Variants in FKBP8 observed in about 807,000 individuals in gnomAD.
FKBP8 encodes the protein peptidyl-prolyl cis-trans isomerase FKBP8.
In FKBP8, 5 loss-of-function variants were observed where a neutral mutation model predicts 41.7. That is an observed-to-expected ratio of 0.12 (90% CI 0.06 to 0.25). The LOEUF is 0.25. Among genes scored for constraint, FKBP8 ranks in the 10% least tolerant of loss-of-function variants. The probability of loss-of-function intolerance (pLI) is 1.00; values close to 1 mark genes in which losing one functional copy is unlikely to be tolerated. For synonymous variants in FKBP8, 279 were observed against 254.5 expected (o/e 1.10, Z -0.92); for missense variants, 397 against 563.0 (o/e 0.71, Z 2.98).
chr19:18,537,443 G>C lies in FKBP8; in HGVS notation c.945+158C>G, dbSNP rs1220519171. Among the ~76,000 whole-genome samples, 1 of 152,192 alleles carries C rather than the reference G, an allele frequency of 6.6e-6. No homozygotes were observed. The highest frequency in any genetic ancestry group is 1.5e-5 in the Non-Finnish European group (1 of 68,036). On this transcript the variant is annotated intron_variant, in intron 6 of 8. Coordinates refer to ENST00000608443, the MANE Select transcript of FKBP8 (RefSeq NM_012181.5). The surrounding 1 kb of genome is among the most constrained non-coding windows in gnomAD (Gnocchi z 4.4). ...CTCAGCCAATGAATTGTTGTGACCA[G>C]GCCACACTCCTGCACCCGTCTGGGC...
chr19:18,534,627 G>A (rs1033788349), intron 6 of FKBP8, among the ~76,000 whole-genome samples: 1 of 151,796 alleles, frequency 6.6e-6, no homozygotes, highest in South Asian at 2.1e-4. Context: ...GGTCACCCAG[G>A]CTGGAGTGCA....
At chr19:18,539,094 G>A (rs1172256289) in intron 4 of FKBP8, among the ~76,000 whole-genome samples, 2 of 151,810 alleles carry the variant, frequency 1.3e-5, no homozygotes, top group Non-Finnish European at 2.9e-5. Context: ...GATTACAGGC[G>A]TAAGCCACCA....
Position 18,535,646 on chromosome 19 carries a change from C to T in FKBP8, c.945+1955G>A, listed in dbSNP as rs1039842419. On this transcript the variant is annotated intron_variant, in intron 6 of 8. Transcript: ENST00000608443. ...AAAAGGCTGGATGTGCTCGCTTGAA[C>T]CCAGGAGGCAGAGGTTGCAGTGAGC... 5.9e-4 allele frequency among the ~76,000 whole-genome samples: 90 copies of T among 151,578 alleles called. 1 individual carries two copies. The highest frequency in any genetic ancestry group is 5.9e-5 in the Non-Finnish European group (4 of 67,942).
Position 18,537,688 on chromosome 19 carries a change from G to T in FKBP8, c.858C>A (p.Leu286=), listed in dbSNP as rs747037801. 3 of 1,613,970 alleles carry T rather than the reference G, an allele frequency of 1.9e-6. No homozygotes were observed. Among genetic ancestry groups the T allele is most frequent in the East Asian group, 4.5e-5 (2 of 44,880 alleles). ...LNNLAASQLK[L]DHYRAALRSC... ...AGCGCAGGGCTGCGCGGTAGTGGTC[G>T]AGCTTCAGCTGCGAGGCCGCCAGGT... Residue 286 remains leucine, a synonymous_variant, in exon 6 of 9, where the codon CTC becomes CTA. Coordinates refer to ENST00000608443, the MANE Select transcript of FKBP8 (RefSeq NM_012181.5). This position sits in a 1 kb window ranked among gnomAD's most constrained non-coding sequence, Gnocchi z 4.4.
Position 18,532,536 on chromosome 19 carries a change from GCT to G in FKBP8, c.1155+126_1155+127del, listed in dbSNP as rs370083638. The G allele has an allele frequency of 2.5e-4, 341 of 1,377,434 alleles. 4 individuals carry two copies. In the African/African-American group the frequency reaches 4.3e-3, roughly 17 times the overall value. The allele number at this position is 1,377,434 out of a possible 1,614,324, so 85.3% of individuals were successfully genotyped here. ...TCCACTCATGATCACACAGGGCTGG[GCT>G]CTCTCCACGTCCCCTGCATCGCCCA... On this transcript the variant is annotated intron_variant, in intron 8 of 8. Coordinates refer to ENST00000608443, the MANE Select transcript of FKBP8 (RefSeq NM_012181.5).
intron 6 of FKBP8, among the ~76,000 whole-genome samples, chr19:18,535,320 T>G (rs1332266947): frequency 6.6e-6 from 1 of 152,066 alleles, no homozygotes. Flanking sequence ...CTTGGCCTCC[T>G]GAAGTGCTGA....
In FKBP8 at chr19:18,541,972, C is replaced by A; in HGVS notation, c.-2G>T. 1 of 1,612,092 alleles carries A rather than the reference C, an allele frequency of 6.2e-7. No homozygotes were observed. The highest frequency in any genetic ancestry group is 8.5e-7 in the Non-Finnish European group (1 of 1,178,678). ...AGAGGGTTCAGCACACGATGCCATG[C>A]TGCTGGGGGGACAGGAATTGGCCCT... is the stretch of plus-strand genomic sequence containing the variant. On this transcript the variant is annotated 5_prime_UTR_variant, in exon 2 of 9. Transcript: ENST00000608443.
In FKBP8 at chr19:18,532,691, A is replaced by G. The variant is rs987913178; in HGVS notation, c.1128T>C (p.Pro376=). The change falls in exon 8 of 9, where the codon CCT becomes CCC. Residue 376 remains proline (P), a synonymous_variant. Transcript: ENST00000608443. ...AGGCACCCTTGCCAGGGCACTTAGC[A>G]GGCAGCCGGCTGGGGTTGCCCAGCA... ...RKMLGNPSRL[P]AKCPGKGAWS... 6.2e-7 allele frequency: 1 copy of G among 1,614,042 alleles called. No homozygotes were observed. Among genetic ancestry groups the G allele is most frequent in the South Asian group, 1.1e-5 (1 of 91,076 alleles).
chr19:18,541,959 A>G lies in FKBP8; in HGVS notation c.12T>C (p.Cys4=). ...GGGCAGAGGGCTCAGAGGGTTCAGC[A>G]CACGATGCCATGCTGCTGGGGGGAC... The part of the protein sequence containing the change: MAS[C]AEPSEPSAPL... Residue 4 remains cysteine (C), a synonymous_variant, in exon 2 of 9, where the codon TGT becomes TGC. Coordinates refer to ENST00000608443, the MANE Select transcript of FKBP8 (RefSeq NM_012181.5). The G allele has an allele frequency of 6.2e-7, 1 of 1,613,550 alleles. No individual in the cohort carries two copies. Among genetic ancestry groups the G allele is most frequent in the Non-Finnish European group, 8.5e-7 (1 of 1,179,664 alleles).
chr19:18,539,157 C>T (rs554426485), intron 4 of FKBP8, among the ~76,000 whole-genome samples: 1 of 152,260 alleles, frequency 6.6e-6, no homozygotes, highest in South Asian at 2.1e-4. Flanking sequence ...GAGATGCGGT[C>T]TATATTGCTT....
chr19:18,540,148 G>C (rs1976667131), intron 2 of FKBP8, among the ~76,000 whole-genome samples: 1 of 152,106 alleles, frequency 6.6e-6, no homozygotes, highest in Admixed American at 6.6e-5. Flanking sequence ...GAAAACCAAA[G>C]CTCAGAGAGG....
chr19:18,535,601 G>A lies in FKBP8; in HGVS notation c.945+2000C>T, dbSNP rs576540714. Among the ~76,000 whole-genome samples the A allele has an allele frequency of 7.9e-5, 12 of 151,694 alleles. No individual in the cohort carries two copies. In the South Asian group the frequency reaches 1.0e-3, roughly 13 times the overall value. ...AGCCTGGCCAACATGGTGAAACCCCGTCTATACTAAAAATACAAAAAAAGG... is the reference window on the plus strand; with the variant it reads ...AGCCTGGCCAACATGGTGAAACCCCATCTATACTAAAAATACAAAAAAAGG... On this transcript the variant is annotated intron_variant, in intron 6 of 8. Coordinates refer to ENST00000608443, the MANE Select transcript of FKBP8 (RefSeq NM_012181.5).
Position 18,532,830 on chromosome 19 carries a change from G to A in FKBP8, c.1024-35C>T, listed in dbSNP as rs113256944. Reference sequence around the variant, plus strand: ...GCAGGGGAAGCTGAGAACACGCAGCGGCCAACCTGTCATCACTGGCGCTCT... The same window carrying A: ...GCAGGGGAAGCTGAGAACACGCAGCAGCCAACCTGTCATCACTGGCGCTCT... On this transcript the variant is annotated intron_variant, in intron 7 of 8. Coordinates refer to ENST00000608443, the MANE Select transcript of FKBP8 (RefSeq NM_012181.5). The A allele has an allele frequency of 1.1e-4, 176 of 1,608,784 alleles. No individual in the cohort carries two copies. In the African/African-American group the frequency reaches 1.5e-3, roughly 14 times the overall value.
intron 6 of FKBP8, among the ~76,000 whole-genome samples, chr19:18,535,082 G>A (rs1018515983): frequency 6.6e-6 from 1 of 152,038 alleles, no homozygotes; most frequent in Non-Finnish European, 1.5e-5. Flanking sequence ...ACCGCTCCAG[G>A]CCTACTTATT....
Position 18,533,110 on chromosome 19 carries a change from A to G in FKBP8, c.1023+160T>C, listed in dbSNP as rs1976486551. 5.5e-6 allele frequency: 4 copies of G among 720,758 alleles called. No individual in the cohort carries two copies. The East Asian group carries it at 8.3e-5, about 15-fold the overall frequency. The allele number at this position is 720,758 out of a possible 1,614,324, so 44.6% of individuals were successfully genotyped here. On this transcript the variant is annotated intron_variant, in intron 7 of 8. Coordinates refer to ENST00000608443, the MANE Select transcript of FKBP8 (RefSeq NM_012181.5). ...AGCCCAGACTGCCTGTGTGGCCGTCATGAGGGTCTTCACAAGCTGACCAGG... is the reference window on the plus strand; with the variant it reads ...AGCCCAGACTGCCTGTGTGGCCGTCGTGAGGGTCTTCACAAGCTGACCAGG...
intron 6 of FKBP8, chr19:18,536,181 G>C (rs1976571405): frequency 6.6e-6 from 1 of 152,236 alleles, no homozygotes; most frequent in East Asian, 1.9e-4. Flanking sequence ...AGGCTTTTCA[G>C]AAACACAGCA....
At chr19:18,535,109 G>C (rs1976543711) in intron 6 of FKBP8, among the ~76,000 whole-genome samples, 1 of 152,038 alleles carries the variant, frequency 6.6e-6, no homozygotes, top group Admixed American at 6.6e-5. Context: ...TTTTATTTTA[G>C]AGACAGGGCC....
Position 18,538,005 on chromosome 19 carries a change from C to A in FKBP8, c.772+211G>T. On this transcript the variant is annotated intron_variant, in intron 5 of 8. Transcript: ENST00000608443. This position sits in a 1 kb window ranked among gnomAD's most constrained non-coding sequence, Gnocchi z 4.0. ...TGGCCCTGTCTATGGTCACCCCATCCCCATATCCACTTGCATTCTACAACA... is the reference window on the plus strand; with the variant it reads ...TGGCCCTGTCTATGGTCACCCCATCACCATATCCACTTGCATTCTACAACA... The A allele has an allele frequency of 1.5e-6, 1 of 674,114 alleles. No homozygotes were observed. Among genetic ancestry groups the A allele is most frequent in the South Asian group, 1.9e-5 (1 of 52,124 alleles). The allele number at this position is 674,114 out of a possible 1,614,324, so 41.8% of individuals were successfully genotyped here. A position where few individuals can be genotyped will look rare whatever the true frequency, so the allele number is the denominator to read the frequency against.
In FKBP8 at chr19:18,539,286, G is replaced by A. The variant is rs140325377; in HGVS notation, c.551+85C>T. On this transcript the variant is annotated intron_variant, in intron 4 of 8. Transcript: ENST00000608443. The stretch of plus-strand genomic sequence containing the variant: ...AGTTTCTTGTCTATAAAATGGGCAA[G>A]TAGATGGGGTGAGCCGAGGGGTACA... The A allele has an allele frequency of 5.7e-6, 7 of 1,226,290 alleles. No individual in the cohort carries two copies. In the African/African-American group the frequency reaches 9.0e-5, roughly 16 times the overall value. The allele number at this position is 1,226,290 out of a possible 1,614,324, so 76.0% of individuals were successfully genotyped here.
Sources: allele counts gnomAD v4.1 joint callset (sites outside exome capture counted in the v4.1 genomes callset), GRCh38; gene constraint gnomAD v4.1.1; non-coding constraint Gnocchi (gnomAD v3.1); transcripts MANE v1.5; gene names NCBI Gene and HGNC (gene_info 2026-07-23, HGNC 2026-07-21).